The following NFATC1 variants were observed in gnomAD, a reference collection of about 807,000 sequenced individuals.
The protein encoded by NFATC1 is nuclear factor of activated T cells 1, also known as nuclear factor of activated T-cells, cytoplasmic 1.
In NFATC1, 22 loss-of-function variants were observed where a neutral mutation model predicts 76.0. The observed-to-expected ratio is 0.29, with a 90% CI of 0.21 to 0.41. The LOEUF (loss-of-function observed/expected upper bound fraction) is 0.41. NFATC1 is among the 10% of genes least tolerant of loss of function. NFATC1 has a pLI of 1.00. For missense variants in NFATC1, 1,357 were observed against 1,337.7 expected, an observed-to-expected ratio of 1.01 and a Z score of -0.23; for synonymous variants, 704 against 613.1, an observed-to-expected ratio of 1.15 and a Z score of -2.19.
intron 9 of NFATC1, 123 bp from the exon 10 acceptor site, chr18:79,527,405 G>C: frequency 1.3e-6 from 1 of 754,300 alleles, no homozygotes; most frequent in Middle Eastern, 2.5e-4. Flanking sequence ...GAGGAAATGT[G>C]GGTTCCTGGG....
chr18:79,457,473 C>G (rs908545646), intron 6 of NFATC1, among the ~76,000 whole-genome samples: 3 of 152,136 alleles, frequency 2.0e-5, no homozygotes, highest in Non-Finnish European at 4.4e-5. Context: ...GGCTCCCCTC[C>G]CTCCTCTCCC....
chr18:79,443,314 C>A (rs923594697), intron 3 of NFATC1, among the ~76,000 whole-genome samples: 1 of 152,210 alleles, frequency 6.6e-6, no homozygotes, highest in Non-Finnish European at 1.5e-5. Flanking sequence ...CACACACTTG[C>A]CTCGGGCCCC....
At chr18:79,517,788 C>T (rs2090419739) in intron 9 of NFATC1, among the ~76,000 whole-genome samples, 1 of 152,080 alleles carries the variant, frequency 6.6e-6, no homozygotes, top group East Asian at 1.9e-4. Context: ...ACTAACATAA[C>T]CATTGAAAAA....
chr18:79,485,430 G>A lies in NFATC1; in HGVS notation c.2093-818G>A, dbSNP rs572646673. 3.4e-3 allele frequency among the ~76,000 whole-genome samples: 525 copies of A among 152,348 alleles called. 6 individuals are homozygous for A. Among genetic ancestry groups the A allele is most frequent in the African/African-American group, 0.012 (497 of 41,582 alleles). ...AGGAATGCCGGCTGGGATCCGCCTCGCCGCTCCTGCTGACTGCACACCCTG... is the reference window on the plus strand; with the variant it reads ...AGGAATGCCGGCTGGGATCCGCCTCACCGCTCCTGCTGACTGCACACCCTG... On this transcript the variant is annotated intron_variant, in intron 8 of 9. Coordinates refer to ENST00000427363, the MANE Select transcript of NFATC1 (RefSeq NM_001278669.2).
At chr18:79,427,817 CG>C (rs1169711206) in intron 2 of NFATC1, among the ~76,000 whole-genome samples, 2 of 2,832 alleles carry the variant, frequency 7.1e-4, no homozygotes, top group Non-Finnish European at 1.3e-3. Context: ...GTGCAGGGGT[CG>C]GGGGGAGCTG....
At chr18:79,412,225 C>T (rs938385227) in intron 2 of NFATC1, among the ~76,000 whole-genome samples, 2 of 152,224 alleles carry the variant, frequency 1.3e-5, no homozygotes, top group South Asian at 2.1e-4. Flanking sequence ...TTATCTCTAA[C>T]GAAACAGCTT....
At position 79,478,126 on chromosome 18, in the gene NFATC1, C is replaced by T. The variant is rs1172002807; in HGVS notation, c.2093-8122C>T. The stretch of plus-strand genomic sequence containing the variant: ...CCGTTCTTGCCCCCAGGCCCCCCCC[C>T]GCCCACCCCCAGGTGCTCCCTGTGC... On this transcript the variant is annotated intron_variant, in intron 8 of 9. Transcript: ENST00000427363. Among the ~76,000 whole-genome samples, 34 of 139,922 alleles carry T rather than the reference C, an allele frequency of 2.4e-4. 1 individual carries two copies. The highest frequency in any genetic ancestry group is 7.8e-4 in the African/African-American group (30 of 38,644). The allele number at this position is 139,922 out of a possible 152,430, so 91.8% of individuals were successfully genotyped here.
At chr18:79,464,866 C>G (rs1489325852) in intron 7 of NFATC1, among the ~76,000 whole-genome samples, 1 of 151,290 alleles carries the variant, frequency 6.6e-6, no homozygotes, top group Non-Finnish European at 1.5e-5. Context: ...CTATTCTGCC[C>G]AGCTAATTTT....
intron 9 of NFATC1, among the ~76,000 whole-genome samples, chr18:79,518,208 C>T (rs965023764): frequency 6.6e-6 from 1 of 152,242 alleles, no homozygotes; most frequent in South Asian, 2.1e-4. Flanking sequence ...AGAGGCAGCT[C>T]AGCTGTGTCT....
At chr18:79,426,402 C>T (rs1319152978) in intron 2 of NFATC1, among the ~76,000 whole-genome samples, 4 of 152,214 alleles carry the variant, frequency 2.6e-5, no homozygotes, top group Admixed American at 1.3e-4. Context: ...CTCCCCAGGC[C>T]ACGGGGGCCA....
chr18:79,410,161 G>A lies in NFATC1; in HGVS notation c.128-242G>A. 1 of 758,106 alleles carries A rather than the reference G, an allele frequency of 1.3e-6. No individual in the cohort carries two copies. Among genetic ancestry groups the A allele is most frequent in the Non-Finnish European group, 2.4e-6 (1 of 417,572 alleles). 47.0% of individuals were successfully genotyped at this position (758,106 alleles called of 1,614,324 possible). ...CGTTCGGGGGCTTGTGCTGCTGTTA[G>A]GGGAGGAGGGGAGGTGGGCAGTGAG... On this transcript the variant is annotated intron_variant, in intron 1 of 9. Transcript: ENST00000427363. The surrounding 1 kb of genome is among the most constrained non-coding windows in gnomAD (Gnocchi z 6.7).
At chr18:79,401,726 G>T (rs915083112) in intron 1 of NFATC1, among the ~76,000 whole-genome samples, 1 of 152,242 alleles carries the variant, frequency 6.6e-6, no homozygotes, top group East Asian at 1.9e-4. Flanking sequence ...CACCAGGGTG[G>T]CCCCTCTGGG....
chr18:79,450,052 G>A (rs1459837141), intron 4 of NFATC1, among the ~76,000 whole-genome samples: 3 of 152,300 alleles, frequency 2.0e-5, no homozygotes, highest in Admixed American at 6.5e-5. Context: ...TTCCACAGCC[G>A]TAGTAAACGT....
At chr18:79,487,270 G>A (rs1237924119) in intron 9 of NFATC1, among the ~76,000 whole-genome samples, 2 of 152,332 alleles carry the variant, frequency 1.3e-5, no homozygotes, top group Admixed American at 6.5e-5. Context: ...GGAGCCGCAC[G>A]GCTCAGGCTC....
intron 8 of NFATC1, among the ~76,000 whole-genome samples, chr18:79,483,838 C>G (rs1278976361): frequency 1.4e-5 from 2 of 143,716 alleles, no homozygotes; most frequent in Admixed American, 1.4e-4. Context: ...GGTGTCATTC[C>G]AGCGTGACGT....
At chr18:79,476,155 C>G (rs1431450655) in intron 8 of NFATC1, among the ~76,000 whole-genome samples, 1 of 152,246 alleles carries the variant, frequency 6.6e-6, no homozygotes, top group Non-Finnish European at 1.5e-5. Context: ...AGCCTGCGCT[C>G]TGGGACATGC....
chr18:79,512,825 C>T (rs775485536), intron 9 of NFATC1, among the ~76,000 whole-genome samples: 4 of 152,240 alleles, frequency 2.6e-5, no homozygotes, highest in Non-Finnish European at 5.9e-5. Context: ...GGCGCCTTCT[C>T]CACGTGCTGC....
chr18:79,480,881 C>G (rs935569656), intron 8 of NFATC1, among the ~76,000 whole-genome samples: 3 of 152,236 alleles, frequency 2.0e-5, no homozygotes, highest in African/African-American at 7.2e-5. Flanking sequence ...GGCTGAAAAT[C>G]CCGAGCAGCG....
At chr18:79,450,217 T>TA (rs1213219348) in intron 4 of NFATC1, among the ~76,000 whole-genome samples, 3 of 152,286 alleles carry the variant, frequency 2.0e-5, no homozygotes, top group Admixed American at 6.5e-5. Context: ...TCTCTTAACT[T>TA]ACTGAAAAAT....
Sources: allele counts gnomAD v4.1 joint callset (sites outside exome capture counted in the v4.1 genomes callset), GRCh38; gene constraint gnomAD v4.1.1; non-coding constraint Gnocchi (gnomAD v3.1); transcripts MANE v1.5; gene names NCBI Gene and HGNC (gene_info 2026-07-23, HGNC 2026-07-21).